Variants in KRT80 observed in about 807,000 individuals in gnomAD.
KRT80 encodes keratin, type II cytoskeletal 80.
Under a neutral mutation model 51.5 loss-of-function variants are expected in KRT80, and 36 were observed. The observed-to-expected ratio is 0.70, with a 90% confidence interval of 0.54 to 0.92. The LOEUF (loss-of-function observed/expected upper bound fraction) is 0.92, where lower values mean the gene tolerates loss of function less well. Among genes scored for constraint, KRT80 ranks in the 40% least tolerant of loss-of-function variants. KRT80 has a pLI of 0.00. For synonymous variants in KRT80, 235 were observed against 248.3 expected (o/e 0.95, Z 0.50); for missense variants, 566 against 591.7 (o/e 0.96, Z 0.45).
rs1360958862 is a variant in KRT80, at chr12:52,191,828, C to A, written c.75G>T (p.Arg25=). 1.3e-6 allele frequency: 2 copies of A among 1,587,906 alleles called. No individual in the cohort carries two copies. The highest frequency in any genetic ancestry group is 2.2e-5 in the South Asian group (2 of 89,056). The change falls in exon 1 of 9, where the codon CGG becomes CGT. Residue 25 remains arginine, a synonymous_variant. Coordinates refer to ENST00000394815, the MANE Select transcript of KRT80 (RefSeq NM_182507.3). The part of the protein sequence containing the change: ...SCEVTPVGSP[R]PGTSGWDSCR... ...AGCTGTCCCATCCTGAGGTTCCAGGCCGGGGGCTGCCCACCGGGGTCACCT... is the reference window on the plus strand; with the variant it reads ...AGCTGTCCCATCCTGAGGTTCCAGGACGGGGGCTGCCCACCGGGGTCACCT...
chr12:52,171,410 C>T lies in KRT80; in HGVS notation c.1347G>A (p.Glu449=), dbSNP rs1246092570. The T allele has an allele frequency of 1.3e-6, 2 of 1,596,074 alleles. No individual in the cohort carries two copies. The highest frequency in any genetic ancestry group is 1.7e-6 in the Non-Finnish European group (2 of 1,170,784). The change falls in exon 9 of 9, where the codon GAG becomes GAA. Residue 449 remains glutamate, a synonymous_variant. Coordinates refer to ENST00000394815, the MANE Select transcript of KRT80 (RefSeq NM_182507.3). ...MSEKYFSQES[E]VSE ...GGGTCCAGCCGCCTTACTCTGAGAC[C>T]TCCGACTCCTGCGAGAAGTACTTCT...
chr12:52,185,554 CCAG>C lies in KRT80; in HGVS notation c.331_333del (p.Leu111del). ...CCCTGCAGGAAGCTCCAGCGTGTCTCCAGCAGCTGGTTGCGCTGTTCCAGGGCT... is the reference window on the plus strand; with the variant it reads ...CCCTGCAGGAAGCTCCAGCGTGTCTCCAGCTGGTTGCGCTGTTCCAGGGCT... On this transcript the variant is annotated inframe_deletion, in exon 2 of 9. Coordinates refer to ENST00000394815, the MANE Select transcript of KRT80 (RefSeq NM_182507.3). The C allele has an allele frequency of 6.2e-7, 1 of 1,611,784 alleles. No homozygotes were observed. Among genetic ancestry groups the C allele is most frequent in the Non-Finnish European group, 8.5e-7 (1 of 1,179,990 alleles).
intron 2 of KRT80, 66 bp from the exon 3 acceptor site, chr12:52,181,029 G>C (rs548456235): frequency 7.6e-7 from 1 of 1,318,608 alleles, no homozygotes; most frequent in African/African-American, 1.5e-5. Flanking sequence ...AACTCCCCTT[G>C]GTTGGGGCTC....
chr12:52,191,857 A>G lies in KRT80; in HGVS notation c.46T>C (p.Cys16Arg). 6.5e-7 allele frequency: 1 copy of G among 1,540,226 alleles called. No individual in the cohort carries two copies. ...GGGCTGCCCACCGGGGTCACCTCAC[A>G]GCTGCTGAGGCTGCTGAAGCCAACC... ...CVVGFSSLSS[C>R]EVTPVGSPRP... The change falls in exon 1 of 9, where the codon TGT becomes CGT. Residue 16 changes from cysteine (C) to arginine (R), a missense_variant. Cys to Arg is a radical substitution (Grantham distance 180). Transcript: ENST00000394815.
rs1186122582 is a variant in KRT80 at position 52,180,551 on chromosome 12, C to T, written c.628G>A (p.Glu210Lys). The T allele has an allele frequency of 2.0e-6, 3 of 1,487,256 alleles. No homozygotes were observed. Among genetic ancestry groups the T allele is most frequent in the Non-Finnish European group, 2.7e-6 (3 of 1,119,420 alleles). The allele number at this position is 1,487,256 out of a possible 1,614,324, so 92.1% of individuals were successfully genotyped here. Reference sequence around the variant, plus strand: ...GTTTTCATCAACTCCACGAAGCTCTCCAGGCTTTTTAACTTGGTTTCCAGT... The same window carrying T: ...GTTTTCATCAACTCCACGAAGCTCTTCAGGCTTTTTAACTTGGTTTCCAGT... ...TELETKLKSL[E>K]SFVELMKTIY... The change falls in exon 4 of 9, where the codon GAG (glutamate) becomes AAG (lysine). Residue 210 changes from glutamate to lysine, a missense_variant. Coordinates refer to ENST00000394815, the MANE Select transcript of KRT80 (RefSeq NM_182507.3).
At chr12:52,188,771 C>T (rs1027047078) in intron 1 of KRT80, among the ~76,000 whole-genome samples, 4 of 152,240 alleles carry the variant, frequency 2.6e-5, no homozygotes, top group African/African-American at 9.6e-5. Context: ...GGCAGTCCTG[C>T]CTCTTGCCTC....
At chr12:52,172,521 G>A in intron 6 of KRT80, 103 bp from the exon 7 acceptor site, 3 of 1,051,216 alleles carry the variant, frequency 2.9e-6, no homozygotes, top group Non-Finnish European at 2.8e-6. Flanking sequence ...GGTGTGGGGA[G>A]GGAGGGCTGA....
chr12:52,177,422 G>T (rs982345578), intron 4 of KRT80, among the ~76,000 whole-genome samples: 1 of 152,192 alleles, frequency 6.6e-6, no homozygotes, highest in Admixed American at 6.5e-5. Flanking sequence ...GAGCCAGAGT[G>T]TAGGGGTCAG....
intron 4 of KRT80, among the ~76,000 whole-genome samples, chr12:52,174,421 G>T (rs1941182827): frequency 6.6e-6 from 1 of 152,260 alleles, no homozygotes; most frequent in African/African-American, 2.4e-5. Flanking sequence ...CCAGCACTCT[G>T]ACTTCAGGGT....
At chr12:52,173,910 G>A (rs1941169062) in intron 4 of KRT80, 146 bp from the exon 5 acceptor site, 1 of 814,688 alleles carries the variant, frequency 1.2e-6, no homozygotes, top group Non-Finnish European at 1.9e-6. Context: ...AAGGCCGAAT[G>A]CCTCCCTGCC....
At chr12:52,179,206 G>C (rs1297545455) in intron 4 of KRT80, among the ~76,000 whole-genome samples, 2 of 152,228 alleles carry the variant, frequency 1.3e-5, no homozygotes, top group Non-Finnish European at 2.9e-5. Flanking sequence ...AGTGGGTGGA[G>C]GCCTAAGGGT....
At position 52,191,681 on chromosome 12, in the gene KRT80, G is replaced by A. The variant is rs772187574; in HGVS notation, c.222C>T (p.Pro74=). ...LLVPLDVKLD[P]AVQQLKNQEK... is the part of the protein sequence containing the mutation. ...CCTGGTTCTTCAGCTGCTGAACAGCGGGGTCCAACTTGACATCCAGGGGCA... is the reference window on the plus strand; with the variant it reads ...CCTGGTTCTTCAGCTGCTGAACAGCAGGGTCCAACTTGACATCCAGGGGCA... Residue 74 remains proline (P), a synonymous_variant, in exon 1 of 9, where the codon CCC becomes CCT. Coordinates refer to ENST00000394815, the MANE Select transcript of KRT80 (RefSeq NM_182507.3). 4.3e-5 allele frequency: 69 copies of A among 1,613,608 alleles called. 1 individual carries two copies. Among genetic ancestry groups the A allele is most frequent in the Middle Eastern group, 3.3e-4 (2 of 6,078 alleles).
intron 1 of KRT80, among the ~76,000 whole-genome samples, chr12:52,186,659 T>C (rs184118503): frequency 6.9e-4 from 105 of 152,348 alleles, no homozygotes; most frequent in African/African-American, 2.5e-3. Context: ...TGTGTGTTGC[T>C]GGTCACTGTG....
chr12:52,176,389 T>C (rs995180198), intron 4 of KRT80, among the ~76,000 whole-genome samples: 1 of 152,052 alleles, frequency 6.6e-6, no homozygotes, highest in Non-Finnish European at 1.5e-5. Flanking sequence ...CACGTCAGGG[T>C]AGATTGTGAC....
chr12:52,185,802 G>T, intron 1 of KRT80: 1 of 1,043,084 alleles, frequency 9.6e-7, no homozygotes, highest in Non-Finnish European at 1.4e-6. Context: ...GCAAGGTGGA[G>T]CCAATTAGCA....
intron 5 of KRT80, 54 bp from the exon 6 acceptor site, chr12:52,173,217 T>A (rs1941149835): frequency 6.6e-7 from 1 of 1,506,416 alleles, no homozygotes; most frequent in Non-Finnish European, 8.9e-7. Context: ...CTCCCAGCAC[T>A]TGTTACCCGC....
chr12:52,187,533 T>G (rs1305802797), intron 1 of KRT80, among the ~76,000 whole-genome samples: 1 of 152,188 alleles, frequency 6.6e-6, no homozygotes, highest in Non-Finnish European at 1.5e-5. Context: ...GTCCTTGTTT[T>G]TCCTGAAGTG....
chr12:52,191,915 C>T lies in KRT80; in HGVS notation c.-13G>A, dbSNP rs913548771. On this transcript the variant is annotated 5_prime_UTR_variant, in exon 1 of 9. Transcript: ENST00000394815. The stretch of plus-strand genomic sequence containing the variant: ...AGCGGCAGGCCATGGTGCCCCCGGC[C>T]GGAAGCAGGAGGGCCCAGGGGGGTG... The T allele has an allele frequency of 1.5e-5, 22 of 1,453,774 alleles. No homozygotes were observed. Among genetic ancestry groups the T allele is most frequent in the African/African-American group, 8.6e-5 (6 of 70,166 alleles). The allele number at this position is 1,453,774 out of a possible 1,614,324, so 90.1% of individuals were successfully genotyped here. A position where few individuals can be genotyped will look rare whatever the true frequency, so the allele number is the denominator to read the frequency against.
chr12:52,188,571 A>C (rs892824706), intron 1 of KRT80, among the ~76,000 whole-genome samples: 13 of 152,124 alleles, frequency 8.5e-5, no homozygotes, highest in South Asian at 4.1e-4. Flanking sequence ...AGCCTCAAAG[A>C]CTCACGAGCA....
Sources: allele counts gnomAD v4.1 joint callset (sites outside exome capture counted in the v4.1 genomes callset), GRCh38; gene constraint gnomAD v4.1.1; transcripts MANE v1.5; gene names NCBI Gene and HGNC (gene_info 2026-07-23, HGNC 2026-07-21).